Variants in SETBP1 observed in about 807,000 individuals in gnomAD.
SETBP1 encodes the protein SET-binding protein.
SETBP1 carries 9 observed loss-of-function variants against 101.0 expected under a neutral mutation model. That is an observed-to-expected ratio of 0.09 (90% CI 0.05 to 0.16). The LOEUF (loss-of-function observed/expected upper bound fraction) is 0.16, where lower values mean the gene tolerates loss of function less well. Among genes scored for constraint, SETBP1 ranks in the 10% least tolerant of loss-of-function variants. The pLI is 1.00. For synonymous variants in SETBP1, 818 were observed against 788.5 expected (o/e 1.04, Z -0.63); for missense variants, 1,858 against 2,033.8 (o/e 0.91, Z 1.66).
intron 2 of SETBP1, among the ~76,000 whole-genome samples, chr18:44,816,201 A>T (rs1486812750): frequency 1.3e-5 from 2 of 152,102 alleles, no homozygotes; most frequent in Non-Finnish European, 2.9e-5. Context: ...AGCCTTTTTC[A>T]TTCTGTGCTG....
At chr18:44,942,545 C>T (rs1350863097) in intron 3 of SETBP1, among the ~76,000 whole-genome samples, 2 of 152,078 alleles carry the variant, frequency 1.3e-5, no homozygotes, top group African/African-American at 2.4e-5. Context: ...GCTTTTCTTC[C>T]CTATGCCCAG....
At chr18:44,722,337 C>A (rs2069618576) in intron 2 of SETBP1, among the ~76,000 whole-genome samples, 1 of 152,140 alleles carries the variant, frequency 6.6e-6, no homozygotes, top group East Asian at 1.9e-4. Context: ...GCCCTACCTT[C>A]CCATGAGTCC....
intron 4 of SETBP1, among the ~76,000 whole-genome samples, chr18:44,990,670 CA>C (rs1214803429): frequency 3.2e-4 from 49 of 150,806 alleles, no homozygotes; most frequent in African/African-American, 1.2e-3. Context: ...GACCCCCCCA[CA>C]CACACGTTGG....
chr18:44,805,085 A>G (rs1191071520), intron 2 of SETBP1, among the ~76,000 whole-genome samples: 3 of 152,060 alleles, frequency 2.0e-5, no homozygotes, highest in Admixed American at 2.0e-4. Context: ...TTCTCCCAAG[A>G]TCTCAGGCTG....
chr18:44,878,168 A>G (rs1173120306), intron 3 of SETBP1, among the ~76,000 whole-genome samples: 1 of 152,210 alleles, frequency 6.6e-6, no homozygotes, highest in Admixed American at 6.5e-5. Context: ...ATTTTTTCAG[A>G]ACAGAAATAT....
intron 1 of SETBP1, among the ~76,000 whole-genome samples, chr18:44,691,635 T>G (rs1165332382): frequency 6.6e-6 from 1 of 152,234 alleles, no homozygotes; most frequent in Non-Finnish European, 1.5e-5. Flanking sequence ...TTTCATCTCC[T>G]TTCCTTATCA....
chr18:44,914,690 T>C (rs1209127235), intron 3 of SETBP1, among the ~76,000 whole-genome samples: 4 of 152,076 alleles, frequency 2.6e-5, no homozygotes, highest in Non-Finnish European at 4.4e-5. Flanking sequence ...AGGTGAGATT[T>C]TTAGAAGGTT....
rs770156697 is a variant in SETBP1, at chr18:44,818,150, G to A, written c.487-51080G>A. 1.8e-4 allele frequency among the ~76,000 whole-genome samples: 28 copies of A among 152,284 alleles called. No homozygotes were observed. The Middle Eastern group carries it at 0.024, about 129-fold the overall frequency. Reference sequence around the variant, plus strand: ...GCTGCAAGTCAGGATTCGAAACTTCGTCTGCCTAACCCCACATTCTGCACT... The same window carrying A: ...GCTGCAAGTCAGGATTCGAAACTTCATCTGCCTAACCCCACATTCTGCACT... On this transcript the variant is annotated intron_variant, in intron 2 of 5. Transcript: ENST00000649279.
chr18:44,856,837 AAG>A (rs1369604959), intron 2 of SETBP1, among the ~76,000 whole-genome samples: 1 of 152,194 alleles, frequency 6.6e-6, no homozygotes, highest in Admixed American at 6.5e-5. Context: ...TGGCAAAGGT[AAG>A]AGAGGGGAAA....
At chr18:44,708,886 C>T (rs989026188) in intron 2 of SETBP1, among the ~76,000 whole-genome samples, 24 of 152,212 alleles carry the variant, frequency 1.6e-4, no homozygotes, top group African/African-American at 2.2e-4. Flanking sequence ...TCTTTAAGAA[C>T]GCTCATTACT....
chr18:44,943,350 G>A (rs1895017548), intron 3 of SETBP1, among the ~76,000 whole-genome samples: 1 of 152,136 alleles, frequency 6.6e-6, no homozygotes, highest in Admixed American at 6.5e-5. Flanking sequence ...CCATTCACTG[G>A]CTACAGTTCA....
chr18:44,785,712 G>A (rs970166885), intron 2 of SETBP1, among the ~76,000 whole-genome samples: 5 of 151,998 alleles, frequency 3.3e-5, no homozygotes, highest in South Asian at 2.1e-4. Context: ...CTTCCCCTTC[G>A]TTATCTCTTG....
chr18:44,974,328 A>G (rs779838296), intron 4 of SETBP1, among the ~76,000 whole-genome samples: 1 of 152,180 alleles, frequency 6.6e-6, no homozygotes, highest in Non-Finnish European at 1.5e-5. Flanking sequence ...GGAAGCAACT[A>G]CAATAATCCA....
chr18:45,063,680 G>A lies in SETBP1; in HGVS notation c.4773G>A (p.Glu1591=). 8 of 1,608,552 alleles carry A rather than the reference G, an allele frequency of 5.0e-6. No individual in the cohort carries two copies. The highest frequency in any genetic ancestry group is 6.8e-6 in the Non-Finnish European group (8 of 1,177,966). Residue 1591 remains glutamate, a synonymous_variant, in exon 6 of 6, where the codon GAG becomes GAA. Coordinates refer to ENST00000649279, the MANE Select transcript of SETBP1 (RefSeq NM_015559.3). ...GGCAGAGGAAGTCCCGAGGGAGTGA[G>A]AGCGAGGTCCTTCCCTAGGGCGGGT... ...AKRQRKSRGS[E]SEVLP
intron 4 of SETBP1, among the ~76,000 whole-genome samples, chr18:44,957,935 A>C (rs763822485): frequency 3.3e-5 from 5 of 152,212 alleles, no homozygotes; most frequent in Non-Finnish European, 1.5e-5. Context: ...TCCAATTCTG[A>C]GTCCTCTTGT....
intron 3 of SETBP1, among the ~76,000 whole-genome samples, chr18:44,920,099 A>G (rs2070545769): frequency 6.6e-6 from 1 of 152,190 alleles, no homozygotes. Flanking sequence ...GGAAAGTCCA[A>G]GGTCAAGATG....
At chr18:44,939,817 G>A (rs2071046769) in intron 3 of SETBP1, among the ~76,000 whole-genome samples, 1 of 152,212 alleles carries the variant, frequency 6.6e-6, no homozygotes, top group African/African-American at 2.4e-5. Flanking sequence ...AATGTTTGAA[G>A]ACATTGATAT....
intron 3 of SETBP1, among the ~76,000 whole-genome samples, chr18:44,889,632 G>A (rs1341081075): frequency 1.3e-5 from 2 of 152,160 alleles, no homozygotes; most frequent in Non-Finnish European, 2.9e-5. Context: ...CACAATTGTT[G>A]CATTCTGCTG....
At chr18:45,058,056 G>T (rs1181682181) in intron 5 of SETBP1, among the ~76,000 whole-genome samples, 2 of 152,222 alleles carry the variant, frequency 1.3e-5, no homozygotes, top group Non-Finnish European at 2.9e-5. Flanking sequence ...TCAACCATTT[G>T]CATGGCAATT....
Sources: gnomAD v4.1 joint callset for allele counts (sites outside exome capture counted in the v4.1 genomes callset) on GRCh38, gnomAD v4.1.1 for gene constraint, MANE v1.5 for transcripts, NCBI Gene and HGNC (gene_info 2026-07-23, HGNC 2026-07-21) for gene names.